Variants in RSU1 observed in about 807,000 individuals in gnomAD.
RSU1 encodes the protein rsu-1.
In RSU1, 26 loss-of-function variants were observed where a neutral mutation model predicts 31.1. The ratio of observed to expected loss-of-function variants is 0.84; its 90% CI spans 0.61 to 1.16. The LOEUF (loss-of-function observed/expected upper bound fraction) is 1.16. Ranked by LOEUF, RSU1 falls within the 50% of genes most tolerant of loss-of-function variation. The pLI, the probability that RSU1 is intolerant of heterozygous loss-of-function variation, is 0.00. For missense variants in RSU1, 320 were observed against 339.1 expected, an observed-to-expected ratio of 0.94 and a Z score of 0.44; for synonymous variants, 164 against 136.3, an observed-to-expected ratio of 1.20 and a Z score of -1.41.
intron 2 of RSU1, among the ~76,000 whole-genome samples, chr10:16,796,750 C>T (rs1838044547): frequency 6.6e-6 from 1 of 152,060 alleles, no homozygotes; most frequent in Non-Finnish European, 1.5e-5. Flanking sequence ...GGCAGCATGG[C>T]AGATTTTAGG....
At chr10:16,600,243 A>G (rs1833695155) in intron 8 of RSU1, among the ~76,000 whole-genome samples, 1 of 152,126 alleles carries the variant, frequency 6.6e-6, no homozygotes, top group Non-Finnish European at 1.5e-5. Flanking sequence ...TGTGAAGCCC[A>G]AATGCCAACG....
chr10:16,722,064 T>G (rs60796382), intron 7 of RSU1, among the ~76,000 whole-genome samples: 21,108 of 152,140 alleles, frequency 0.14, 3,480 homozygotes, highest in African/African-American at 0.4. Flanking sequence ...CCAAAAATAG[T>G]TGAGTCCAGT....
chr10:16,679,082 A>C (rs1430964810), intron 8 of RSU1, among the ~76,000 whole-genome samples: 1 of 152,242 alleles, frequency 6.6e-6, no homozygotes, highest in African/African-American at 2.4e-5. Context: ...ATCTAAGCTG[A>C]GTATTAGATA....
intron 3 of RSU1, among the ~76,000 whole-genome samples, chr10:16,772,063 T>C (rs1837433742): frequency 6.6e-6 from 1 of 152,230 alleles, no homozygotes; most frequent in Non-Finnish European, 1.5e-5. Flanking sequence ...CAGGATTCTA[T>C]AGCCTAAGTC....
In RSU1 at chr10:16,674,964, C is replaced by T. The variant is rs752374408; in HGVS notation, c.731+20059G>A. 5.1e-4 allele frequency among the ~76,000 whole-genome samples: 77 copies of T among 152,110 alleles called. No individual in the cohort carries two copies. In the Middle Eastern group the frequency reaches 0.01, roughly 20 times the overall value. On this transcript the variant is annotated intron_variant, in intron 8 of 8. Coordinates refer to ENST00000345264, the MANE Select transcript of RSU1 (RefSeq NM_012425.4). ...AGGAGCATCTTTTGAACCTGGGAGG[C>T]GGAGGTTGCAGTGAGCCAAGACTGT... is the stretch of plus-strand genomic sequence containing the variant.
intron 8 of RSU1, among the ~76,000 whole-genome samples, chr10:16,622,106 C>T (rs1417604021): frequency 1.3e-5 from 2 of 152,022 alleles, no homozygotes; most frequent in African/African-American, 2.4e-5. Context: ...TACTAAATGC[C>T]CACAAAAATT....
Position 16,794,192 on chromosome 10 carries a change from C to CAG in RSU1, c.110-12110_110-12109dup, listed in dbSNP as rs531697607. 6.6e-5 allele frequency among the ~76,000 whole-genome samples: 10 copies of CAG among 152,298 alleles called. No individual in the cohort carries two copies. The East Asian group carries it at 1.2e-3, about 18-fold the overall frequency. On this transcript the variant is annotated intron_variant, in intron 2 of 8. Coordinates refer to ENST00000345264, the MANE Select transcript of RSU1 (RefSeq NM_012425.4). Reference sequence around the variant, plus strand: ...CCAACTGTCCAGGTTCTCCAGCTTGCAGACAGCACATCATGTGACTTCTTA... The same window carrying CAG: ...CCAACTGTCCAGGTTCTCCAGCTTGCAGAGACAGCACATCATGTGACTTCTTA...
At chr10:16,595,995 G>A (rs1331952555) in intron 8 of RSU1, among the ~76,000 whole-genome samples, 5 of 151,950 alleles carry the variant, frequency 3.3e-5, no homozygotes, top group Non-Finnish European at 7.4e-5. Context: ...CTCCATGAAA[G>A]CGCATTTTTC....
At chr10:16,600,568 A>AG (rs1294895687) in intron 8 of RSU1, among the ~76,000 whole-genome samples, 32 of 139,264 alleles carry the variant, frequency 2.3e-4, no homozygotes, top group South Asian at 1.4e-3. Context: ...TTTTTTTTTT[A>AG]GGGGGGGGTG....
At chr10:16,785,033 T>C (rs752158407) in intron 2 of RSU1, among the ~76,000 whole-genome samples, 1 of 152,150 alleles carries the variant, frequency 6.6e-6, no homozygotes, top group African/African-American at 2.4e-5. Context: ...GTCAACTTGA[T>C]TGGATTGAAA....
intron 7 of RSU1, among the ~76,000 whole-genome samples, chr10:16,740,745 A>C (rs1413206240): frequency 3.3e-5 from 5 of 152,224 alleles, no homozygotes. Flanking sequence ...AATGCTTAGG[A>C]AAAAATTTAG....
At chr10:16,785,417 T>TAC (rs55951530) in intron 2 of RSU1, among the ~76,000 whole-genome samples, 3 of 91,136 alleles carry the variant, frequency 3.3e-5, no homozygotes, top group Non-Finnish European at 2.0e-5. Context: ...TATATATATA[T>TAC]ACATATATAC....
At chr10:16,697,789 G>A (rs909656037) in intron 7 of RSU1, among the ~76,000 whole-genome samples, 1 of 151,958 alleles carries the variant, frequency 6.6e-6, no homozygotes, top group African/African-American at 2.4e-5. Context: ...TAAGCTAAGG[G>A]GATTTTCTAG....
intron 7 of RSU1, chr10:16,748,475 C>T (rs773329103): frequency 6.6e-6 from 1 of 152,244 alleles, no homozygotes. Context: ...CATCTCAAGA[C>T]TACAAAGTCC....
intron 2 of RSU1, among the ~76,000 whole-genome samples, chr10:16,804,953 G>T (rs1189551056): frequency 6.6e-6 from 1 of 152,110 alleles, no homozygotes; most frequent in Non-Finnish European, 1.5e-5. Flanking sequence ...ACTATATACA[G>T]TGAACCCTGA....
chr10:16,739,958 A>C (rs773624507), intron 7 of RSU1, among the ~76,000 whole-genome samples: 11 of 152,162 alleles, frequency 7.2e-5, no homozygotes, highest in African/African-American at 2.7e-4. Flanking sequence ...ACTCTAGAGG[A>C]AACAGAAAAT....
At chr10:16,744,654 A>T (rs1836814840) in intron 7 of RSU1, among the ~76,000 whole-genome samples, 1 of 152,234 alleles carries the variant, frequency 6.6e-6, no homozygotes, top group Admixed American at 6.5e-5. Context: ...TGAAACAACC[A>T]ATGGTCCAAC....
intron 8 of RSU1, among the ~76,000 whole-genome samples, chr10:16,684,576 G>C (rs187850593): frequency 6.6e-6 from 1 of 152,270 alleles, no homozygotes; most frequent in African/African-American, 2.4e-5. Flanking sequence ...AAGCAGCACA[G>C]GGGTAAAAGA....
intron 2 of RSU1, among the ~76,000 whole-genome samples, chr10:16,813,381 G>A (rs1452740102): frequency 6.6e-6 from 1 of 152,108 alleles, no homozygotes; most frequent in African/African-American, 2.4e-5. Flanking sequence ...GCCTTACCCA[G>A]TCGAGTTAAC....
Sources: gnomAD v4.1 joint callset for allele counts (sites outside exome capture counted in the v4.1 genomes callset) on GRCh38, gnomAD v4.1.1 for gene constraint, MANE v1.5 for transcripts, NCBI Gene and HGNC (gene_info 2026-07-23, HGNC 2026-07-21) for gene names.